The following ADGRG4 variants were observed in gnomAD, a reference collection of about 807,000 sequenced individuals.
ADGRG4 encodes the protein adhesion G protein-coupled receptor G4, also known as G protein-coupled receptor 112.
In ADGRG4, 122 loss-of-function variants were observed where a neutral mutation model predicts 126.2. The observed-to-expected ratio is 0.97, with a 90% CI of 0.83 to 1.12. The LOEUF is 1.12. Among genes scored for constraint, ADGRG4 ranks in the 50% most tolerant of loss-of-function variants. The pLI is 0.00. For synonymous variants in ADGRG4, 943 were observed against 838.7 expected, an observed-to-expected ratio of 1.12 and a Z score of -2.15; for missense variants, 2,481 against 2,251.8, an observed-to-expected ratio of 1.10 and a Z score of -2.06.
chrX:136,399,826 A>G, intron 20 of ADGRG4, 22 bp from the exon 21 acceptor site: 1 of 1,176,260 alleles, frequency 8.5e-7, no homozygotes, highest in Non-Finnish European at 1.1e-6. Context: ...TTTACCTAAC[A>G]ACATTGTACT....
intron 5 of ADGRG4, among the ~76,000 whole-genome samples, chrX:136,341,757 T>C (rs1461355142): frequency 2.7e-5 from 3 of 111,849 alleles, no homozygotes; most frequent in African/African-American, 9.7e-5. Flanking sequence ...AATTGGAAGA[T>C]TGTCATTCAT....
intron 21 of ADGRG4, among the ~76,000 whole-genome samples, chrX:136,402,018 C>T (rs1023691441): frequency 8.0e-5 from 9 of 112,224 alleles, no homozygotes; most frequent in Admixed American, 5.6e-4. Flanking sequence ...GATACATGCA[C>T]GGTCACCAGG....
chrX:136,332,038 G>T (rs1320665902), intron 5 of ADGRG4, among the ~76,000 whole-genome samples: 1 of 108,222 alleles, frequency 9.2e-6, no homozygotes, highest in Non-Finnish European at 1.9e-5. Context: ...AAGTTTTAGG[G>T]TACATGTGCA....
intron 1 of ADGRG4, among the ~76,000 whole-genome samples, 151 bp from the exon 2 acceptor site, chrX:136,303,982 C>G (rs1326744262): frequency 2.7e-5 from 3 of 111,688 alleles, no homozygotes; most frequent in Non-Finnish European, 5.6e-5. Flanking sequence ...ATATGGCTAT[C>G]TAGGCCTTTG....
intron 5 of ADGRG4, 129 bp downstream of exon 5, chrX:136,323,521 T>C: frequency 1.9e-6 from 1 of 535,576 alleles, no homozygotes; most frequent in Non-Finnish European, 3.0e-6. Flanking sequence ...TTTTCTTTTA[T>C]CTTTATTTTG....
intron 15 of ADGRG4, among the ~76,000 whole-genome samples, chrX:136,379,614 A>G (rs479178): frequency 0.36 from 37,182 of 102,206 alleles, 5,071 homozygotes; most frequent in Non-Finnish European, 0.41. Context: ...TTCCTCTCTT[A>G]TTCTCTCCTC....
At chrX:136,324,479 C>T (rs1417062666) in intron 5 of ADGRG4, among the ~76,000 whole-genome samples, 1 of 111,066 alleles carries the variant, frequency 9.0e-6, no homozygotes, top group African/African-American at 3.3e-5. Flanking sequence ...ATGATCATAG[C>T]TCACTGTAAC....
intron 4 of ADGRG4, among the ~76,000 whole-genome samples, chrX:136,319,574 C>A (rs2074825927): frequency 9.0e-6 from 1 of 111,591 alleles, no homozygotes; most frequent in Non-Finnish European, 1.9e-5. Flanking sequence ...TATGTTCACA[C>A]AGCTAGTAAG....
At chrX:136,308,126 CAG>C (rs1452936763) in intron 3 of ADGRG4, among the ~76,000 whole-genome samples, 1 of 112,818 alleles carries the variant, frequency 8.9e-6, no homozygotes, top group Non-Finnish European at 1.9e-5. Flanking sequence ...GTTTTTGAGA[CAG>C]AGTTTTCACT....
intron 8 of ADGRG4, 107 bp from the exon 9 acceptor site, chrX:136,356,019 G>A (rs2075091411): frequency 2.2e-6 from 1 of 461,035 alleles, no homozygotes; most frequent in East Asian, 3.8e-5. Context: ...TCCAGGCTGG[G>A]AGAAGTCTAC....
At chrX:136,367,193 C>G (rs763308348) in intron 13 of ADGRG4, among the ~76,000 whole-genome samples, 11 of 112,164 alleles carry the variant, frequency 9.8e-5, no homozygotes, top group Non-Finnish European at 1.9e-4. Flanking sequence ...CATTCCAGTG[C>G]CTCGCAGAAG....
intron 21 of ADGRG4, among the ~76,000 whole-genome samples, chrX:136,402,851 A>G (rs1423039686): frequency 8.9e-6 from 1 of 111,940 alleles, no homozygotes; most frequent in Non-Finnish European, 1.9e-5. Flanking sequence ...AAGGTGACCT[A>G]GACAAAAAGC....
At chrX:136,404,337 A>G (rs1348511389) in intron 22 of ADGRG4, among the ~76,000 whole-genome samples, 1 of 111,688 alleles carries the variant, frequency 9.0e-6, no homozygotes, top group East Asian at 2.8e-4. Flanking sequence ...ATCAAAAGCA[A>G]GAGCAAAAGC....
At chrX:136,357,846 A>G (rs915934293) in intron 10 of ADGRG4, 90 bp downstream of exon 10, 4 of 600,351 alleles carry the variant, frequency 6.7e-6, no homozygotes. Flanking sequence ...CCAGTTGGCC[A>G]GAGTTGTCAG....
At chrX:136,386,017 T>TA (rs899720460) in intron 15 of ADGRG4, among the ~76,000 whole-genome samples, 16 of 108,910 alleles carry the variant, frequency 1.5e-4, no homozygotes, top group South Asian at 3.9e-4. Flanking sequence ...AGACTGCAAT[T>TA]AAAAAAAAAA....
In ADGRG4 at chrX:136,405,969, C is replaced by A; in HGVS notation, c.8932C>A (p.Gln2978Lys). Residue 2978 changes from glutamine (Q) to lysine (K), a missense_variant, in exon 23 of 26, where the codon CAA becomes AAA. Transcript: ENST00000394143. ...LYLFAIFNTL[Q>K]GFFIFVFHCV... Reference sequence around the variant, plus strand: ...TTTGTTTGCCATTTTTAACACTTTGCAAGGTAACTGGTGCTTTTTTGCCTT... The same window carrying A: ...TTTGTTTGCCATTTTTAACACTTTGAAAGGTAACTGGTGCTTTTTTGCCTT... The A allele has an allele frequency of 8.9e-7, 1 of 1,126,301 alleles. No individual in the cohort carries two copies. The highest frequency in any genetic ancestry group is 2.4e-5 in the South Asian group (1 of 41,340). The allele number at this position is 1,126,301 out of a possible 1,213,427, so 92.8% of individuals were successfully genotyped here. A position where few individuals can be genotyped will look rare whatever the true frequency, so the allele number is the denominator to read the frequency against.
At chrX:136,355,205 G>A (rs1437825686) in intron 8 of ADGRG4, among the ~76,000 whole-genome samples, 2 of 100,264 alleles carry the variant, frequency 2.0e-5, no homozygotes, top group African/African-American at 3.7e-5. Flanking sequence ...CAAGAACTGT[G>A]GATGAAAACA....
chrX:136,391,463 C>G (rs1484236123), intron 16 of ADGRG4, among the ~76,000 whole-genome samples: 3 of 112,327 alleles, frequency 2.7e-5, no homozygotes, highest in African/African-American at 9.7e-5. Flanking sequence ...TTTAAACCAA[C>G]ATTTATTAAG....
chrX:136,302,126 A>T (rs924306658), intron 1 of ADGRG4, among the ~76,000 whole-genome samples: 4 of 111,965 alleles, frequency 3.6e-5, no homozygotes, highest in African/African-American at 9.8e-5. Flanking sequence ...GAAGAAAGTC[A>T]TTGGTGGCTT....
Sources: gnomAD v4.1 joint callset for allele counts (sites outside exome capture counted in the v4.1 genomes callset) on GRCh38, gnomAD v4.1.1 for gene constraint, MANE v1.5 for transcripts, NCBI Gene and HGNC (gene_info 2026-07-23, HGNC 2026-07-21) for gene names.